Variants in BSDC1 observed in about 807,000 individuals in gnomAD.
BSDC1 encodes BSD domain-containing protein 1.
Under a neutral mutation model 56.0 loss-of-function variants are expected in BSDC1, and 29 were observed. The ratio of observed to expected loss-of-function variants is 0.52; its 90% CI spans 0.39 to 0.71. BSDC1 has a LOEUF of 0.71. Among genes scored for constraint, BSDC1 ranks in the 30% least tolerant of loss-of-function variants. BSDC1 has a pLI of 0.00. For missense variants in BSDC1, 477 were observed against 548.5 expected, an observed-to-expected ratio of 0.87 and a Z score of 1.30; for synonymous variants, 210 against 215.3, an observed-to-expected ratio of 0.98 and a Z score of 0.21.
intron 4 of BSDC1, among the ~76,000 whole-genome samples, chr1:32,383,264 G>A (rs1304798030): frequency 6.6e-6 from 1 of 152,050 alleles, no homozygotes; most frequent in Non-Finnish European, 1.5e-5. Context: ...GCAACACAGT[G>A]AGACCCCGTT....
At chr1:32,386,127 G>A (rs1642656848) in intron 3 of BSDC1, among the ~76,000 whole-genome samples, 1 of 152,070 alleles carries the variant, frequency 6.6e-6, no homozygotes, top group African/African-American at 2.4e-5. Context: ...AGACCATCCT[G>A]GCTAACACGG....
chr1:32,377,906 T>A, intron 8 of BSDC1, 64 bp downstream of exon 8: 1 of 1,495,812 alleles, frequency 6.7e-7, no homozygotes, highest in Non-Finnish European at 9.1e-7. Flanking sequence ...TCAGAGAGCA[T>A]GGCCCAGCCC....
chr1:32,370,121 G>A (rs1273900298), intron 9 of BSDC1, among the ~76,000 whole-genome samples: 1 of 152,212 alleles, frequency 6.6e-6, no homozygotes, highest in African/African-American at 2.4e-5. Context: ...GAGATTACAG[G>A]GGCATGCCAC....
intron 9 of BSDC1, among the ~76,000 whole-genome samples, chr1:32,372,695 T>A (rs1290290550): frequency 6.6e-6 from 1 of 152,242 alleles, no homozygotes. Context: ...ATGCTACAAT[T>A]TAAGACTTCA....
Position 32,394,072 on chromosome 1 carries a change from C to T in BSDC1, c.72+8G>A. The T allele has an allele frequency of 6.2e-7, 1 of 1,606,768 alleles. No homozygotes were observed. Among genetic ancestry groups the T allele is most frequent in the East Asian group, 2.2e-5 (1 of 44,492 alleles). On this transcript the variant is annotated splice_region_variant and intron_variant, in intron 2 of 10. Transcript: ENST00000455895. ...TGCTGAGGGAAGAAGGGCACGGGCCCGGCTTACCTTCTCTTTGACTGCTTG... is the reference window on the plus strand; with the variant it reads ...TGCTGAGGGAAGAAGGGCACGGGCCTGGCTTACCTTCTCTTTGACTGCTTG...
intron 4 of BSDC1, 72 bp downstream of exon 4, chr1:32,383,758 T>G: frequency 8.9e-6 from 13 of 1,454,120 alleles, no homozygotes; most frequent in East Asian, 2.3e-5. Flanking sequence ...GCTGCTTTTG[T>G]GAGTACAGGA....
At chr1:32,380,633 G>C (rs1642450223) in intron 5 of BSDC1, among the ~76,000 whole-genome samples, 1 of 152,162 alleles carries the variant, frequency 6.6e-6, no homozygotes, top group Admixed American at 6.6e-5. Context: ...GAGACAGGGT[G>C]AGACTCCATC....
intron 3 of BSDC1, 97 bp from the exon 4 acceptor site, chr1:32,384,094 T>G: frequency 6.4e-7 from 1 of 1,564,926 alleles, no homozygotes; most frequent in Non-Finnish European, 8.7e-7. Flanking sequence ...TACCGTGTGT[T>G]GGGGGACCAG....
At chr1:32,374,767 C>A (rs1425176433) in intron 9 of BSDC1, 1 of 152,274 alleles carries the variant, frequency 6.6e-6, no homozygotes, top group Non-Finnish European at 1.5e-5. Context: ...TCTCTGAACT[C>A]CTCCAGTACC....
chr1:32,380,558 A>G (rs923144974), intron 5 of BSDC1, among the ~76,000 whole-genome samples: 1 of 152,168 alleles, frequency 6.6e-6, no homozygotes, highest in African/African-American at 2.4e-5. Flanking sequence ...AGGAAAGAGA[A>G]TTGCTAGAAC....
chr1:32,380,126 G>A (rs182662298), intron 5 of BSDC1, among the ~76,000 whole-genome samples: 93 of 152,300 alleles, frequency 6.1e-4, no homozygotes, highest in African/African-American at 2.2e-3. Flanking sequence ...AGCTACTACT[G>A]TGAGCCTTTT....
intron 9 of BSDC1, 90 bp from the exon 10 acceptor site, chr1:32,368,640 A>C (rs910810155): frequency 5.1e-6 from 8 of 1,556,636 alleles, no homozygotes; most frequent in Non-Finnish European, 6.1e-6. Context: ...CATGCTTCAA[A>C]AGGGTCTCAC....
intron 9 of BSDC1, among the ~76,000 whole-genome samples, chr1:32,371,799 G>C (rs1276824086): frequency 6.6e-6 from 1 of 152,138 alleles, no homozygotes; most frequent in East Asian, 1.9e-4. Context: ...CTTCTAGCCA[G>C]AGCATGGTCT....
At chr1:32,393,467 C>A (rs1642937002) in intron 2 of BSDC1, 1 of 152,586 alleles carries the variant, frequency 6.6e-6, no homozygotes, top group Non-Finnish European at 1.5e-5. Context: ...GATGAGGTTC[C>A]TTCTCCACAG....
rs1258531468 is a variant in BSDC1, at chr1:32,394,160, C to A, written c.12-20G>T. On this transcript the variant is annotated intron_variant, in intron 1 of 10. Coordinates refer to ENST00000455895, the MANE Select transcript of BSDC1 (RefSeq NM_018045.8). Reference sequence around the variant, plus strand: ...TCCTCCCTGTGGAAGACAGACACATCTGGCAGCACCGCGGTGCGATTCCTG... The same window carrying A: ...TCCTCCCTGTGGAAGACAGACACATATGGCAGCACCGCGGTGCGATTCCTG... 3 of 1,604,980 alleles carry A rather than the reference C, an allele frequency of 1.9e-6. No homozygotes were observed. The South Asian group carries it at 3.3e-5, about 18-fold the overall frequency.
intron 5 of BSDC1, among the ~76,000 whole-genome samples, chr1:32,380,561 G>C (rs2148127103): frequency 6.6e-6 from 1 of 152,250 alleles, no homozygotes; most frequent in South Asian, 2.1e-4. Context: ...AAAGAGAATT[G>C]CTAGAACCCG....
At chr1:32,373,687 A>AT (rs1353328613) in intron 9 of BSDC1, among the ~76,000 whole-genome samples, 1 of 151,908 alleles carries the variant, frequency 6.6e-6, no homozygotes, top group Non-Finnish European at 1.5e-5. Context: ...CATCTGGCTA[A>AT]TTTTTTGTAT....
Position 32,365,709 on chromosome 1 carries a change from C to T in BSDC1, c.*913G>A, listed in dbSNP as rs1441385056. On this transcript the variant is annotated 3_prime_UTR_variant, in exon 11 of 11. Coordinates refer to ENST00000455895, the MANE Select transcript of BSDC1 (RefSeq NM_018045.8). The stretch of plus-strand genomic sequence containing the variant: ...AAGCAGAAGGGCTGAGGCGGAGAAG[C>T]TAGGCTTACCAGAGTTGTAAGTACT... The T allele has an allele frequency of 6.6e-6, 1 of 152,634 alleles. No homozygotes were observed. The allele number at this position is 152,634 out of a possible 1,614,324, so 9.5% of individuals were successfully genotyped here.
rs773570823 is a variant in BSDC1 at position 32,378,842 on chromosome 1, G to A, written c.413-3C>T. ...GGCGTCAAACAATTCCGGGGGCCCT[G>A]CAGAGGGACAGATGCTGACGGTCAG... On this transcript the variant is annotated splice_polypyrimidine_tract_variant and splice_region_variant and intron_variant, in intron 5 of 10. Transcript: ENST00000455895. The surrounding 1 kb of genome is among the most constrained non-coding windows in gnomAD (Gnocchi z 5.2). 6.7e-7 allele frequency: 1 copy of A among 1,500,376 alleles called. No homozygotes were observed. Among genetic ancestry groups the A allele is most frequent in the Non-Finnish European group, 8.9e-7 (1 of 1,122,260 alleles). 92.9% of individuals were successfully genotyped at this position (1,500,376 alleles called of 1,614,324 possible).
Sources: allele counts gnomAD v4.1 joint callset (sites outside exome capture counted in the v4.1 genomes callset), GRCh38; gene constraint gnomAD v4.1.1; non-coding constraint Gnocchi (gnomAD v3.1); transcripts MANE v1.5; gene names NCBI Gene and HGNC (gene_info 2026-07-23, HGNC 2026-07-21).